Variants in GRM5 observed in about 807,000 individuals in gnomAD.
GRM5 encodes metabotropic glutamate receptor 5.
Under a neutral mutation model 83.1 loss-of-function variants are expected in GRM5, and 19 were observed. That is an observed-to-expected ratio of 0.23 (90% CI 0.16 to 0.34). GRM5 has a LOEUF of 0.34. GRM5 is among the 10% of genes least tolerant of loss of function. The pLI, the probability that GRM5 is intolerant of heterozygous loss-of-function variation, is 1.00. For synonymous variants in GRM5, 675 were observed against 633.6 expected (o/e 1.07, Z -0.98); for missense variants, 1,160 against 1,588.3 (o/e 0.73, Z 4.58).
intron 1 of GRM5, among the ~76,000 whole-genome samples, chr11:89,060,729 C>A (rs1028157085): frequency 1.3e-5 from 2 of 151,988 alleles, no homozygotes; most frequent in Admixed American, 1.3e-4. Flanking sequence ...GAAATGAAAG[C>A]AAACCTATGC....
At chr11:88,953,438 T>C (rs1938521410) in intron 2 of GRM5, among the ~76,000 whole-genome samples, 1 of 152,212 alleles carries the variant, frequency 6.6e-6, no homozygotes, top group African/African-American at 2.4e-5. Context: ...TTTTTTTCTT[T>C]CTTAAGTCAG....
chr11:88,544,298 G>C (rs952562725), intron 8 of GRM5, among the ~76,000 whole-genome samples: 6 of 152,166 alleles, frequency 3.9e-5, no homozygotes, highest in African/African-American at 9.7e-5. Context: ...GATTGCTTGG[G>C]TCATAACATT....
chr11:88,565,129 G>A (rs192792329), intron 8 of GRM5, among the ~76,000 whole-genome samples: 25 of 150,846 alleles, frequency 1.7e-4, no homozygotes, highest in South Asian at 2.1e-4. Context: ...CCATTTTTTC[G>A]GAGGAAGAAA....
intron 2 of GRM5, among the ~76,000 whole-genome samples, chr11:88,960,888 T>C (rs1490521259): frequency 1.3e-5 from 2 of 152,144 alleles, no homozygotes; most frequent in African/African-American, 4.8e-5. Context: ...GATTACATTA[T>C]ATATAAAAAA....
chr11:88,972,505 G>A (rs1180700974), intron 2 of GRM5, among the ~76,000 whole-genome samples: 1 of 152,080 alleles, frequency 6.6e-6, no homozygotes, highest in East Asian at 1.9e-4. Flanking sequence ...GAATTTATGA[G>A]ATTTTACTAA....
chr11:89,031,934 G>T (rs954701823), intron 2 of GRM5, among the ~76,000 whole-genome samples: 2 of 151,868 alleles, frequency 1.3e-5, no homozygotes, highest in African/African-American at 4.8e-5. Flanking sequence ...TTGAAACCAT[G>T]GCTAGGCCAA....
chr11:88,729,226 C>A (rs188860739), intron 3 of GRM5, among the ~76,000 whole-genome samples: 1 of 152,044 alleles, frequency 6.6e-6, no homozygotes, highest in Non-Finnish European at 1.5e-5. Context: ...TTCCTATACA[C>A]CATGAACAGA....
intron 8 of GRM5, among the ~76,000 whole-genome samples, chr11:88,551,261 C>T (rs1005091279): frequency 5.0e-4 from 76 of 152,170 alleles, no homozygotes; most frequent in Non-Finnish European, 2.6e-4. Flanking sequence ...CCACATCCTA[C>T]ACTCCACTTT....
chr11:88,632,555 A>C (rs1939005533), intron 4 of GRM5, among the ~76,000 whole-genome samples: 2 of 152,096 alleles, frequency 1.3e-5, no homozygotes, highest in South Asian at 2.1e-4. Flanking sequence ...TTAATTGGTC[A>C]TTCCTTTATG....
At chr11:88,942,666 T>C (rs982035249) in intron 2 of GRM5, among the ~76,000 whole-genome samples, 18 of 152,008 alleles carry the variant, frequency 1.2e-4, no homozygotes, top group African/African-American at 4.1e-4. Context: ...GTAAAGCATT[T>C]AAGAGCTTTC....
In GRM5 at chr11:88,597,145, T is replaced by A. The variant is rs201850316; in HGVS notation, c.1563+39A>T. 7.2e-6 allele frequency: 10 copies of A among 1,393,032 alleles called. No individual in the cohort carries two copies. The Admixed American group carries it at 2.4e-4, about 34-fold the overall frequency. 86.3% of individuals were successfully genotyped at this position (1,393,032 alleles called of 1,614,324 possible). On this transcript the variant is annotated intron_variant, in intron 6 of 9. Transcript: ENST00000305447. ...GCCAATGATAGTTAACACTGTTGAA[T>A]TTACAACAAAAATGAAAGAAACATA...
chr11:88,991,246 G>A (rs1030871757), intron 2 of GRM5, among the ~76,000 whole-genome samples: 1 of 152,088 alleles, frequency 6.6e-6, no homozygotes, highest in Non-Finnish European at 1.5e-5. Flanking sequence ...CAAATCATGA[G>A]TGAACTCCCA....
intron 3 of GRM5, among the ~76,000 whole-genome samples, chr11:88,823,713 T>C (rs1024893874): frequency 9.2e-5 from 14 of 152,304 alleles, no homozygotes; most frequent in Non-Finnish European, 1.8e-4. Flanking sequence ...ACCTGCATTC[T>C]AGGATCCCAA....
At chr11:88,977,379 A>T (rs1267278889) in intron 2 of GRM5, among the ~76,000 whole-genome samples, 1 of 151,814 alleles carries the variant, frequency 6.6e-6, no homozygotes, top group Non-Finnish European at 1.5e-5. Flanking sequence ...CACCCAGCTA[A>T]TTTTTGTATT....
intron 7 of GRM5, among the ~76,000 whole-genome samples, chr11:88,571,135 T>C (rs566812893): frequency 6.6e-6 from 1 of 152,314 alleles, no homozygotes; most frequent in African/African-American, 2.4e-5. Context: ...TTCATCTTAA[T>C]GTAATTAAGT....
chr11:88,554,403 A>G (rs1002366498), intron 8 of GRM5, among the ~76,000 whole-genome samples: 61 of 152,250 alleles, frequency 4.0e-4, no homozygotes, highest in Non-Finnish European at 5.9e-4. Context: ...TAACATAGTC[A>G]CAGGTTCCAG....
At chr11:88,520,382 G>A (rs1388936686) in intron 9 of GRM5, among the ~76,000 whole-genome samples, 1 of 152,052 alleles carries the variant, frequency 6.6e-6, no homozygotes, top group Admixed American at 6.6e-5. Context: ...TCTTATCTAT[G>A]GAGTTTAAAT....
chr11:88,848,950 G>A (rs1175121388), intron 3 of GRM5, among the ~76,000 whole-genome samples: 1 of 152,178 alleles, frequency 6.6e-6, no homozygotes, highest in African/African-American at 2.4e-5. Flanking sequence ...ATGGACATCG[G>A]TCTTTTTCAG....
At chr11:88,510,834 G>C (rs191128393) in intron 9 of GRM5, among the ~76,000 whole-genome samples, 139 of 152,298 alleles carry the variant, frequency 9.1e-4, no homozygotes, top group African/African-American at 3.2e-3. Flanking sequence ...TATATGAAGA[G>C]ATTCTGGTGT....
Sources: gnomAD v4.1 joint callset for allele counts (sites outside exome capture counted in the v4.1 genomes callset) on GRCh38, gnomAD v4.1.1 for gene constraint, MANE v1.5 for transcripts, NCBI Gene and HGNC (gene_info 2026-07-23, HGNC 2026-07-21) for gene names.